The following CREB3L3 variants were observed in gnomAD, a reference collection of about 807,000 sequenced individuals.
The protein encoded by CREB3L3 is cyclic AMP-responsive element-binding protein 3-like protein 3.
A neutral mutation model predicts 44.6 loss-of-function variants in CREB3L3; 40 were observed. The ratio of observed to expected loss-of-function variants is 0.90; its 90% CI spans 0.70 to 1.17. The LOEUF is 1.17. Among genes scored for constraint, CREB3L3 ranks in the 50% most tolerant of loss-of-function variants. CREB3L3 has a pLI of 0.00. For missense variants in CREB3L3, 578 were observed against 595.8 expected, an observed-to-expected ratio of 0.97 and a Z score of 0.31; for synonymous variants, 273 against 256.3, an observed-to-expected ratio of 1.06 and a Z score of -0.62.
In CREB3L3 at chr19:4,171,751, A is replaced by G. The variant is rs376044105; in HGVS notation, c.1168A>G (p.Thr390Ala). 3.7e-6 allele frequency: 6 copies of G among 1,613,196 alleles called. No homozygotes were observed. In the African/African-American group the frequency reaches 4.0e-5, roughly 11 times the overall value. The change falls in exon 10 of 10, where the codon ACA (threonine) becomes GCA (alanine). Residue 390 changes from threonine (T) to alanine (A), a missense_variant. By Grantham distance (58) the Thr-to-Ala change is moderately conservative. Transcript: ENST00000078445. The surrounding 1 kb of genome is among the most constrained non-coding windows in gnomAD (Gnocchi z 4.9). ...EAPGPRPEAD[T>A]TREESPGSPG... Reference sequence around the variant, plus strand: ...CCCAGGACCCCGACCCGAGGCTGACACAACCCGAGAAGAGTCTCCAGGAAG... The same window carrying G: ...CCCAGGACCCCGACCCGAGGCTGACGCAACCCGAGAAGAGTCTCCAGGAAG...
In CREB3L3 at chr19:4,153,671, T is replaced by A; in HGVS notation, c.-77T>A. The A allele has an allele frequency of 1.3e-6, 2 of 1,580,610 alleles. No individual in the cohort carries two copies. Among genetic ancestry groups the A allele is most frequent in the Non-Finnish European group, 1.7e-6 (2 of 1,152,300 alleles). ...GGCTGTGAGCTTGCCCGGCCCCAGG[T>A]AACGCTGGCGGTGGGTGGGCCTCCA... is the stretch of plus-strand genomic sequence containing the variant. On this transcript the variant is annotated 5_prime_UTR_variant, in exon 1 of 10. Transcript: ENST00000078445.
intron 3 of CREB3L3, among the ~76,000 whole-genome samples, chr19:4,157,945 A>C (rs953423722): frequency 6.6e-6 from 1 of 151,836 alleles, no homozygotes; most frequent in Non-Finnish European, 1.5e-5. Context: ...TCAGCCTCCC[A>C]AAGTGCTGAG....
intron 1 of CREB3L3, among the ~76,000 whole-genome samples, chr19:4,154,022 C>G (rs1444660189): frequency 6.6e-6 from 1 of 152,170 alleles, no homozygotes; most frequent in Non-Finnish European, 1.5e-5. Context: ...AGGCAAGCGG[C>G]ATCTCTAGCT....
chr19:4,166,849 G>T (rs919554612), intron 5 of CREB3L3, among the ~76,000 whole-genome samples: 2 of 152,096 alleles, frequency 1.3e-5, no homozygotes, highest in African/African-American at 4.8e-5. Context: ...CTCCCAAGTA[G>T]CTGGGACTAT....
chr19:4,167,354 G>GAAAGAAAGAAAGAA (rs10669157), intron 5 of CREB3L3, among the ~76,000 whole-genome samples: 34 of 130,790 alleles, frequency 2.6e-4, no homozygotes, highest in African/African-American at 9.7e-4. Flanking sequence ...AAGAAAGAAA[G>GAAAGAAAGAAAGAA]AGAGAGAGAG....
chr19:4,161,826 T>C (rs1000468498), intron 4 of CREB3L3, among the ~76,000 whole-genome samples: 1 of 152,112 alleles, frequency 6.6e-6, no homozygotes, highest in African/African-American at 2.4e-5. Context: ...CTCTAGGATC[T>C]GATGGTCAGG....
intron 5 of CREB3L3, among the ~76,000 whole-genome samples, chr19:4,167,118 G>A (rs754934859): frequency 9.9e-5 from 15 of 152,028 alleles, no homozygotes; most frequent in South Asian, 2.1e-4. Flanking sequence ...AAAGATGGGC[G>A]GATCACCTGA....
intron 4 of CREB3L3, among the ~76,000 whole-genome samples, chr19:4,160,043 C>T (rs942937847): frequency 1.3e-5 from 2 of 152,004 alleles, no homozygotes; most frequent in African/African-American, 2.4e-5. Context: ...CACCTGTAAT[C>T]CCAGCACTTT....
chr19:4,159,298 A>C (rs938068060), intron 3 of CREB3L3, among the ~76,000 whole-genome samples: 1 of 151,986 alleles, frequency 6.6e-6, no homozygotes, highest in African/African-American at 2.4e-5. Context: ...TTACAGGTGC[A>C]CGCCACCAGG....
Position 4,157,239 on chromosome 19 carries a change from C to T in CREB3L3, c.401C>T (p.Thr134Ile), listed in dbSNP as rs770240251. 2.5e-6 allele frequency: 4 copies of T among 1,614,026 alleles called. No homozygotes were observed. The Admixed American group carries it at 5.0e-5, about 20-fold the overall frequency. Residue 134 changes from threonine (T) to isoleucine (I), a missense_variant, in exon 3 of 10, where the codon ACC (threonine) becomes ATC (isoleucine). By Grantham distance (89) the Thr-to-Ile change is moderately conservative. Coordinates refer to ENST00000078445, the MANE Select transcript of CREB3L3 (RefSeq NM_032607.3). ...TATCATCCTGGCAACTCTTGCTCCACCACAACCCCAGGGCCAGTGATCCAA... is the reference window on the plus strand; with the variant it reads ...TATCATCCTGGCAACTCTTGCTCCATCACAACCCCAGGGCCAGTGATCCAA... ...LSYHPGNSCS[T>I]TTPGPVIQVP...
chr19:4,160,980 C>T (rs1347749248), intron 4 of CREB3L3, among the ~76,000 whole-genome samples: 4 of 149,214 alleles, frequency 2.7e-5, no homozygotes, highest in South Asian at 2.1e-4. Context: ...GGCGTGATCT[C>T]GGCTCACTGC....
chr19:4,157,639 G>A (rs1239910600), intron 3 of CREB3L3, among the ~76,000 whole-genome samples: 1 of 152,078 alleles, frequency 6.6e-6, no homozygotes, highest in Non-Finnish European at 1.5e-5. Context: ...TGCCTTCTAC[G>A]TGTCTGTACC....
intron 4 of CREB3L3, among the ~76,000 whole-genome samples, chr19:4,162,761 T>C (rs2041676251): frequency 1.3e-5 from 2 of 151,836 alleles, no homozygotes; most frequent in African/African-American, 4.8e-5. Context: ...GACAGATTGC[T>C]TGAGCCCAGG....
At chr19:4,163,945 C>G (rs945242636) in intron 4 of CREB3L3, among the ~76,000 whole-genome samples, 1 of 150,610 alleles carries the variant, frequency 6.6e-6, no homozygotes, top group African/African-American at 2.4e-5. Flanking sequence ...GCTGGGATTA[C>G]AGGCGCCGCC....
chr19:4,171,993 G>A lies in CREB3L3; in HGVS notation c.*24G>A, dbSNP rs1407775499. The stretch of plus-strand genomic sequence containing the variant: ...GAGCCCCGCCAGGACTATGCTCCCA[G>A]GCCCCTCTGCCCAGGGGTGCCTTGG... On this transcript the variant is annotated 3_prime_UTR_variant, in exon 10 of 10. Transcript: ENST00000078445. This position sits in a 1 kb window ranked among gnomAD's most constrained non-coding sequence, Gnocchi z 4.9. 6.4e-7 allele frequency: 1 copy of A among 1,558,224 alleles called. No individual in the cohort carries two copies. The highest frequency in any genetic ancestry group is 1.4e-5 in the African/African-American group (1 of 73,762).
chr19:4,161,516 G>A (rs1023214772), intron 4 of CREB3L3, among the ~76,000 whole-genome samples: 1 of 152,140 alleles, frequency 6.6e-6, no homozygotes, highest in African/African-American at 2.4e-5. Flanking sequence ...TCCCTGGGAT[G>A]GTCTATTGAG....
intron 7 of CREB3L3, 140 bp from the exon 8 acceptor site, chr19:4,170,951 A>C (rs1009837740): frequency 2.4e-6 from 1 of 419,178 alleles, no homozygotes; most frequent in Admixed American, 4.1e-5. Context: ...ATAAATAAAT[A>C]AAATAAATAA....
chr19:4,155,507 C>A (rs1465909157), intron 2 of CREB3L3, among the ~76,000 whole-genome samples: 2 of 151,464 alleles, frequency 1.3e-5, no homozygotes, highest in African/African-American at 4.9e-5. Context: ...TACAGGCGCC[C>A]GCCACTGCAC....
In CREB3L3 at chr19:4,164,790, C is replaced by G. The variant is rs1568282407; in HGVS notation, c.714+150C>G. On this transcript the variant is annotated intron_variant, in intron 5 of 9. Coordinates refer to ENST00000078445, the MANE Select transcript of CREB3L3 (RefSeq NM_032607.3). ...GTGGCACGATCTCAGCTTGCTGCAA[C>G]CTCTGCCTCTCAGATTCCAGCGATT... The G allele has an allele frequency of 3.1e-6, 3 of 952,990 alleles. No individual in the cohort carries two copies. In the East Asian group the frequency reaches 8.0e-5, roughly 25 times the overall value. 59.0% of individuals were successfully genotyped at this position (952,990 alleles called of 1,614,324 possible). A position where few individuals can be genotyped will look rare whatever the true frequency, so the allele number is the denominator to read the frequency against.
Sources: gnomAD v4.1 joint callset for allele counts (sites outside exome capture counted in the v4.1 genomes callset) on GRCh38, gnomAD v4.1.1 for gene constraint, Gnocchi (gnomAD v3.1) non-coding constraint, MANE v1.5 for transcripts, NCBI Gene and HGNC (gene_info 2026-07-23, HGNC 2026-07-21) for gene names.